Variants in HEATR5B observed in about 807,000 individuals in gnomAD.
The protein encoded by HEATR5B is HEAT repeat-containing protein 5B.
In HEATR5B, 156 loss-of-function variants were observed where a neutral mutation model predicts 224.1. The ratio of observed to expected loss-of-function variants is 0.70; its 90% CI spans 0.61 to 0.80. The LOEUF (loss-of-function observed/expected upper bound fraction) is 0.80, where lower values mean the gene tolerates loss of function less well. Among genes scored for constraint, HEATR5B ranks in the 30% least tolerant of loss-of-function variants. HEATR5B has a pLI of 0.00. For synonymous variants in HEATR5B, 1,027 were observed against 893.0 expected, an observed-to-expected ratio of 1.15 and a Z score of -2.68; for missense variants, 2,323 against 2,535.5, an observed-to-expected ratio of 0.92 and a Z score of 1.80.
chr2:37,020,664 A>T lies in HEATR5B; in HGVS notation c.4026T>A (p.Tyr1342Ter). 1 of 1,568,300 alleles carries T rather than the reference A, an allele frequency of 6.4e-7. No homozygotes were observed. The highest frequency in any genetic ancestry group is 8.6e-7 in the Non-Finnish European group (1 of 1,166,296). Reference sequence around the variant, plus strand: ...AAATAGAAAATCTCACATTAGCCTGATACTGCTCCAGTATCACATGACCTG... The same window carrying T: ...AAATAGAAAATCTCACATTAGCCTGTTACTGCTCCAGTATCACATGACCTG... ...EFPGHVILEQ[Y>*]QANVGAALRP... The change falls in exon 25 of 36, where the codon TAT (tyrosine) becomes TAA (stop). Residue 1342 changes from tyrosine to a stop codon, truncating the protein, a stop_gained. Coordinates refer to ENST00000233099, the MANE Select transcript of HEATR5B (RefSeq NM_019024.3). LOFTEE classifies it high-confidence loss of function.
chr2:37,079,008 G>A (rs17020183), intron 3 of HEATR5B, 112 bp downstream of exon 3: 109,093 of 612,240 alleles, frequency 0.18, 10,431 homozygotes, highest in Admixed American at 0.29. Flanking sequence ...ACTGTTAGCA[G>A]CATGTCGCAG....
Position 36,984,215 on chromosome 2 carries a change from A to AAAAAAAAAAT in HEATR5B, c.5912-2422_5912-2421insATTTTTTTTT. ...AACTCTGTCTCAAAAAAAAAAAAAAAATATATATATATATATATATATAAA... is the reference window on the plus strand; with the variant it reads ...AACTCTGTCTCAAAAAAAAAAAAAAAAAAAAAAAATATATATATATATATATATATATAAA... On this transcript the variant is annotated intron_variant, in intron 35 of 35. Transcript: ENST00000233099. Among the ~76,000 whole-genome samples the AAAAAAAAAAT allele has an allele frequency of 2.6e-3, 200 of 77,592 alleles. 14 individuals carry two copies. The highest frequency in any genetic ancestry group is 0.011 in the African/African-American group (192 of 17,006). The allele number at this position is 77,592 out of a possible 152,430, so 50.9% of individuals were successfully genotyped here.
At chr2:37,055,425 T>C (rs1328545439) in intron 16 of HEATR5B, among the ~76,000 whole-genome samples, 1 of 152,182 alleles carries the variant, frequency 6.6e-6, no homozygotes, top group Non-Finnish European at 1.5e-5. Context: ...TAAACCAAAC[T>C]CTTAGATATG....
intron 28 of HEATR5B, 43 bp downstream of exon 28, chr2:37,008,568 A>G: frequency 1.5e-6 from 2 of 1,339,328 alleles, no homozygotes; most frequent in Non-Finnish European, 2.2e-6. Flanking sequence ...TTTAACTACT[A>G]CTTTGAACTC....
intron 6 of HEATR5B, 71 bp downstream of exon 6, chr2:37,072,039 T>C (rs1671939936): frequency 5.6e-6 from 7 of 1,239,308 alleles, no homozygotes; most frequent in Non-Finnish European, 7.8e-6. Context: ...TTAAATCCAT[T>C]ACACTGACTT....
chr2:37,013,515 C>T (rs756727906), intron 27 of HEATR5B, among the ~76,000 whole-genome samples: 11 of 152,010 alleles, frequency 7.2e-5, no homozygotes, highest in Non-Finnish European at 1.2e-4. Context: ...CAAGACCCTA[C>T]CTTTAAAAAA....
intron 10 of HEATR5B, among the ~76,000 whole-genome samples, chr2:37,063,214 C>T (rs766875202): frequency 2.0e-5 from 3 of 152,042 alleles, no homozygotes; most frequent in African/African-American, 4.8e-5. Flanking sequence ...GCACTGTTCT[C>T]GGTACTTTGC....
intron 35 of HEATR5B, among the ~76,000 whole-genome samples, chr2:36,984,358 C>T (rs1236308117): frequency 6.6e-6 from 1 of 150,398 alleles, no homozygotes. Flanking sequence ...TAAATGAAAA[C>T]AGTAGACAGC....
chr2:37,024,096 T>C (rs1232964638), intron 24 of HEATR5B, among the ~76,000 whole-genome samples: 1 of 152,226 alleles, frequency 6.6e-6, no homozygotes, highest in East Asian at 1.9e-4. Flanking sequence ...GTCCTATTAT[T>C]TGAGACAACA....
intron 22 of HEATR5B, among the ~76,000 whole-genome samples, chr2:37,032,097 T>C (rs1424158334): frequency 6.6e-6 from 1 of 152,198 alleles, no homozygotes; most frequent in Non-Finnish European, 1.5e-5. Flanking sequence ...AAAAATTACA[T>C]CGCAAGAGGC....
At chr2:36,991,518 G>A (rs571147875) in intron 33 of HEATR5B, among the ~76,000 whole-genome samples, 3 of 150,200 alleles carry the variant, frequency 2.0e-5, no homozygotes. Context: ...AAAAAAACTT[G>A]GACAATTTCC....
intron 35 of HEATR5B, among the ~76,000 whole-genome samples, chr2:36,988,025 T>C (rs1284352186): frequency 2.0e-5 from 3 of 151,644 alleles, no homozygotes; most frequent in Non-Finnish European, 4.4e-5. Flanking sequence ...TGAGCCAAGA[T>C]GGTGCCATTG....
intron 30 of HEATR5B, among the ~76,000 whole-genome samples, chr2:37,004,976 C>G (rs1486526068): frequency 6.6e-6 from 1 of 152,184 alleles, no homozygotes; most frequent in Non-Finnish European, 1.5e-5. Context: ...AATGATCCTT[C>G]TGAAATATAA....
At chr2:37,059,195 G>A (rs1002115017) in intron 12 of HEATR5B, among the ~76,000 whole-genome samples, 3 of 151,548 alleles carry the variant, frequency 2.0e-5, no homozygotes, top group Non-Finnish European at 4.4e-5. Flanking sequence ...TAGAAAAATG[G>A]AGGAAGAGAA....
At chr2:37,057,617 T>C in intron 14 of HEATR5B, 137 bp from the exon 15 acceptor site, 1 of 560,712 alleles carries the variant, frequency 1.8e-6, no homozygotes, top group Non-Finnish European at 3.0e-6. Context: ...AAAAAATCTA[T>C]ATTTAAATGC....
chr2:37,026,801 C>G (rs993961802), intron 24 of HEATR5B, among the ~76,000 whole-genome samples: 3 of 152,062 alleles, frequency 2.0e-5, no homozygotes, highest in Admixed American at 6.6e-5. Flanking sequence ...TACTGTTTTA[C>G]AGTTTGTATG....
Position 37,041,073 on chromosome 2 carries a change from C to A in HEATR5B, c.2856+60G>T. 3.6e-6 allele frequency: 5 copies of A among 1,370,042 alleles called. No individual in the cohort carries two copies. In the Middle Eastern group the frequency reaches 5.5e-4, roughly 151 times the overall value. 84.9% of individuals were successfully genotyped at this position (1,370,042 alleles called of 1,614,324 possible). ...CCACGGTCATTTTTATTTCATAGAG[C>A]AAATAATTTTCCAAAAAATTTTCTA... On this transcript the variant is annotated intron_variant, in intron 19 of 35. Transcript: ENST00000233099.
At chr2:36,995,448 G>C (rs1666633886) in intron 33 of HEATR5B, among the ~76,000 whole-genome samples, 1 of 152,004 alleles carries the variant, frequency 6.6e-6, no homozygotes, top group African/African-American at 2.4e-5. Flanking sequence ...TCTTCAGTTT[G>C]TTAAAATCTA....
intron 6 of HEATR5B, 87 bp downstream of exon 6, chr2:37,072,023 A>C (rs1572937870): frequency 9.1e-7 from 1 of 1,101,644 alleles, no homozygotes; most frequent in East Asian, 2.6e-5. Context: ...AAAGATACCT[A>C]AAAATTTAAA....
Sources: gnomAD v4.1 joint callset for allele counts (sites outside exome capture counted in the v4.1 genomes callset) on GRCh38, gnomAD v4.1.1 for gene constraint, MANE v1.5 for transcripts, NCBI Gene and HGNC (gene_info 2026-07-23, HGNC 2026-07-21) for gene names.